STX8: variants seen among roughly 807,000 people sequenced by gnomAD.
STX8 encodes syntaxin 8.
Under a neutral mutation model 37.5 loss-of-function variants are expected in STX8, and 23 were observed. That is an observed-to-expected ratio of 0.61 (90% CI 0.44 to 0.87). The LOEUF (loss-of-function observed/expected upper bound fraction) is 0.87. Ranked by LOEUF, STX8 falls within the 40% of genes least tolerant of loss-of-function variation. The probability of loss-of-function intolerance (pLI) is 0.00; values close to 1 mark genes in which losing one functional copy is unlikely to be tolerated. For synonymous variants in STX8, 115 were observed against 99.1 expected (o/e 1.16, Z -0.95); for missense variants, 313 against 284.7 (o/e 1.10, Z -0.71).
At chr17:9,316,505 CA>C in intron 7 of STX8, among the ~76,000 whole-genome samples, 1 of 152,108 alleles carries the variant, frequency 6.6e-6, no homozygotes, top group Middle Eastern at 3.2e-3. Flanking sequence ...CACAAAAACC[CA>C]AAAGTACAGG....
chr17:9,406,491 C>T (rs1912808849), intron 6 of STX8, among the ~76,000 whole-genome samples: 1 of 152,202 alleles, frequency 6.6e-6, no homozygotes, highest in Admixed American at 6.5e-5. Context: ...TACATTATCA[C>T]AGTATGCTCT....
intron 6 of STX8, among the ~76,000 whole-genome samples, chr17:9,451,939 A>G (rs995401320): frequency 2.0e-5 from 3 of 152,202 alleles, no homozygotes; most frequent in Non-Finnish European, 2.9e-5. Context: ...TTTTCTCTTA[A>G]TCCAATTAAA....
chr17:9,286,488 G>A (rs1908075852), intron 7 of STX8, among the ~76,000 whole-genome samples: 2 of 152,130 alleles, frequency 1.3e-5, no homozygotes, highest in Admixed American at 6.5e-5. Context: ...GAAAGAAAAA[G>A]CACTTAAAAA....
chr17:9,426,937 G>A (rs920654907), intron 6 of STX8, among the ~76,000 whole-genome samples: 8 of 151,878 alleles, frequency 5.3e-5, no homozygotes, highest in Admixed American at 3.9e-4. Flanking sequence ...TATTACCAGT[G>A]TATCTCTTAC....
intron 6 of STX8, among the ~76,000 whole-genome samples, chr17:9,441,673 T>A (rs1320874183): frequency 8.0e-5 from 3 of 37,348 alleles, no homozygotes; most frequent in Non-Finnish European, 2.1e-4. Context: ...GCACCATGGC[T>A]TTTTTTTTTT....
At chr17:9,463,021 G>C (rs937331521) in intron 6 of STX8, among the ~76,000 whole-genome samples, 6 of 152,174 alleles carry the variant, frequency 3.9e-5, no homozygotes, top group Admixed American at 3.9e-4. Context: ...GGCAGGAAAG[G>C]TAAAAAGTAA....
chr17:9,259,010 C>G (rs908211661), intron 7 of STX8, among the ~76,000 whole-genome samples: 17 of 152,048 alleles, frequency 1.1e-4, no homozygotes, highest in Non-Finnish European at 2.2e-4. Context: ...ACCTTTGGTT[C>G]TTTTTTTATT....
chr17:9,283,098 G>C (rs1383044431), intron 7 of STX8: 1 of 146,506 alleles, frequency 6.8e-6, no homozygotes, highest in Admixed American at 6.9e-5. Context: ...ATTCTTGATA[G>C]GAAAAACAGA....
rs73263581 is a variant in STX8, at chr17:9,466,736, C to T, written c.541+25093G>A. Among the ~76,000 whole-genome samples the T allele has an allele frequency of 7.2e-3, 1,092 of 152,262 alleles. 12 individuals carry two copies. Among genetic ancestry groups the T allele is most frequent in the African/African-American group, 0.025 (1,019 of 41,556 alleles). ...ACTTGGCCTGGCAGGGTTACCAGGA[C>T]AGTGGTGTGGCCAGGCAGCTCCATG... On this transcript the variant is annotated intron_variant, in intron 6 of 7. Transcript: ENST00000306357.
At chr17:9,411,121 A>G (rs1371874924) in intron 6 of STX8, among the ~76,000 whole-genome samples, 1 of 152,232 alleles carries the variant, frequency 6.6e-6, no homozygotes, top group African/African-American at 2.4e-5. Flanking sequence ...TTTTCCTCCA[A>G]TAAATCTACC....
At chr17:9,355,036 C>A (rs948671872) in intron 7 of STX8, among the ~76,000 whole-genome samples, 6 of 152,210 alleles carry the variant, frequency 3.9e-5, no homozygotes, top group Admixed American at 3.9e-4. Context: ...TTGTCCCCTA[C>A]CTCCCACCCC....
chr17:9,367,749 G>T (rs544145975), intron 7 of STX8, among the ~76,000 whole-genome samples: 124 of 152,244 alleles, frequency 8.1e-4, no homozygotes, highest in African/African-American at 2.8e-3. Flanking sequence ...TGTTGTTGTT[G>T]AGACACAGTC....
At chr17:9,550,079 C>T (rs889589890) in intron 3 of STX8, among the ~76,000 whole-genome samples, 1 of 152,174 alleles carries the variant, frequency 6.6e-6, no homozygotes, top group Non-Finnish European at 1.5e-5. Context: ...CAAAAATTAG[C>T]TGGGTGTGGT....
intron 7 of STX8, among the ~76,000 whole-genome samples, chr17:9,369,472 GT>G (rs757398114): frequency 4.6e-5 from 7 of 152,112 alleles, no homozygotes; most frequent in Non-Finnish European, 7.3e-5. Flanking sequence ...GCTTATTCTT[GT>G]GGTAAAAGAT....
At chr17:9,315,183 A>C (rs1446238490) in intron 7 of STX8, among the ~76,000 whole-genome samples, 1 of 151,602 alleles carries the variant, frequency 6.6e-6, no homozygotes, top group East Asian at 1.9e-4. Context: ...AACAAAAAAA[A>C]CCTGAGTTCC....
At chr17:9,261,857 C>A (rs145122255) in intron 7 of STX8, among the ~76,000 whole-genome samples, 67 of 152,284 alleles carry the variant, frequency 4.4e-4, no homozygotes, top group African/African-American at 1.6e-3. Flanking sequence ...TGTCTGGAGT[C>A]TGGCAGAAAT....
intron 7 of STX8, among the ~76,000 whole-genome samples, chr17:9,366,465 C>G (rs1008738435): frequency 6.6e-6 from 1 of 152,138 alleles, no homozygotes; most frequent in Non-Finnish European, 1.5e-5. Flanking sequence ...CTCCTGACCT[C>G]GTGATCTGCC....
At chr17:9,555,570 G>A (rs1906931940) in intron 3 of STX8, 1 of 152,168 alleles carries the variant, frequency 6.6e-6, no homozygotes, top group Non-Finnish European at 1.5e-5. Flanking sequence ...CGAAAGCAGA[G>A]GAAACAGTCC....
At chr17:9,364,805 A>T (rs1001275806) in intron 7 of STX8, among the ~76,000 whole-genome samples, 1 of 152,166 alleles carries the variant, frequency 6.6e-6, no homozygotes, top group African/African-American at 2.4e-5. Flanking sequence ...AAGAGCTGAG[A>T]TTACAGGCAT....
Sources: allele counts gnomAD v4.1 joint callset (sites outside exome capture counted in the v4.1 genomes callset), GRCh38; gene constraint gnomAD v4.1.1; transcripts MANE v1.5; gene names NCBI Gene and HGNC (gene_info 2026-07-23, HGNC 2026-07-21).